The following JAZF1 variants were observed in gnomAD, a reference collection of about 807,000 sequenced individuals.
JAZF1 encodes the protein JAZF zinc finger 1, also known as juxtaposed with another zinc finger protein 1.
A neutral mutation model predicts 26.4 loss-of-function variants in JAZF1; 8 were observed. That is an observed-to-expected ratio of 0.30 (90% CI 0.18 to 0.55). The LOEUF (loss-of-function observed/expected upper bound fraction) is 0.55, where lower values mean the gene tolerates loss of function less well. Among genes scored for constraint, JAZF1 ranks in the 20% least tolerant of loss-of-function variants. The pLI, the probability that JAZF1 is intolerant of heterozygous loss-of-function variation, is 0.94. For missense variants in JAZF1, 199 were observed against 322.0 expected, an observed-to-expected ratio of 0.62 and a Z score of 2.92; for synonymous variants, 126 against 122.3, an observed-to-expected ratio of 1.03 and a Z score of -0.20.
intron 1 of JAZF1, among the ~76,000 whole-genome samples, chr7:28,150,137 G>A (rs1424878459): frequency 6.6e-6 from 1 of 152,218 alleles, no homozygotes; most frequent in African/African-American, 2.4e-5. Flanking sequence ...AGGAGGACAG[G>A]ATCATCTTGC....
chr7:27,833,039 C>T, intron 4 of JAZF1, 63 bp from the exon 5 acceptor site: 1 of 1,376,488 alleles, frequency 7.3e-7, no homozygotes, highest in Non-Finnish European at 9.7e-7. Flanking sequence ...ACTTCGGAAA[C>T]CTCAATTTGG....
chr7:28,101,576 T>TAAAA (rs56321937), intron 1 of JAZF1, among the ~76,000 whole-genome samples: 4 of 97,974 alleles, frequency 4.1e-5, no homozygotes, highest in Admixed American at 1.2e-4. Context: ...ATTTCTATAT[T>TAAAA]AAAAAAAAAA....
rs568733831 is a variant in JAZF1, at chr7:28,151,432, C to T, written c.115+29031G>A. Among the ~76,000 whole-genome samples, 153 of 151,844 alleles carry T rather than the reference C, an allele frequency of 1.0e-3. 1 individual carries two copies. The highest frequency in any genetic ancestry group is 3.5e-3 in the African/African-American group (144 of 41,434). ...GAGGGGGAATTTTAAAAATGCTTTTCTATGTCTTATAAATGTACTATAATT... is the reference window on the plus strand; with the variant it reads ...GAGGGGGAATTTTAAAAATGCTTTTTTATGTCTTATAAATGTACTATAATT... On this transcript the variant is annotated intron_variant, in intron 1 of 4. Coordinates refer to ENST00000283928, the MANE Select transcript of JAZF1 (RefSeq NM_175061.4).
intron 1 of JAZF1, among the ~76,000 whole-genome samples, chr7:28,011,520 T>C (rs1330624595): frequency 1.3e-5 from 2 of 152,174 alleles, no homozygotes; most frequent in Non-Finnish European, 2.9e-5. Flanking sequence ...GGAAGAAAGG[T>C]GTCATGATGA....
intron 1 of JAZF1, among the ~76,000 whole-genome samples, chr7:28,161,496 G>A (rs1783288817): frequency 6.6e-6 from 1 of 152,160 alleles, no homozygotes; most frequent in Non-Finnish European, 1.5e-5. Context: ...ACGTTACCAG[G>A]TGCCTCCTTG....
At chr7:28,047,277 T>C (rs1783512265) in intron 1 of JAZF1, among the ~76,000 whole-genome samples, 1 of 152,180 alleles carries the variant, frequency 6.6e-6, no homozygotes, top group Admixed American at 6.5e-5. Flanking sequence ...ATATTCCTTC[T>C]AATTATTTCT....
rs142078309 is a variant in JAZF1, at chr7:27,854,067, G to A, written c.386-13200C>T. Among the ~76,000 whole-genome samples the A allele has an allele frequency of 1.3e-4, 20 of 152,224 alleles. No individual in the cohort carries two copies. In the East Asian group the frequency reaches 2.5e-3, roughly 19 times the overall value. The stretch of plus-strand genomic sequence containing the variant: ...ATCTGCATGCTCCTGTTTTGGGTGC[G>A]TATATATTTAGGATAGTTAGCTCTT... On this transcript the variant is annotated intron_variant, in intron 3 of 4. Coordinates refer to ENST00000283928, the MANE Select transcript of JAZF1 (RefSeq NM_175061.4).
intron 1 of JAZF1, among the ~76,000 whole-genome samples, chr7:28,026,624 G>C (rs1783098399): frequency 6.6e-6 from 1 of 152,138 alleles, no homozygotes; most frequent in Non-Finnish European, 1.5e-5. Context: ...TCTAACCAAT[G>C]GTGCAGGTAT....
At chr7:28,129,462 T>C (rs561494664) in intron 1 of JAZF1, among the ~76,000 whole-genome samples, 15 of 152,166 alleles carry the variant, frequency 9.9e-5, no homozygotes, top group Admixed American at 2.0e-4. Context: ...CCCAAGAATC[T>C]GCCCAGGTGA....
intron 3 of JAZF1, among the ~76,000 whole-genome samples, chr7:27,887,641 C>G (rs1346016036): frequency 1.3e-5 from 2 of 152,242 alleles, no homozygotes; most frequent in East Asian, 1.9e-4. Flanking sequence ...GTCTCGAACT[C>G]CTGACCTCAG....
chr7:27,885,065 C>T (rs546742601), intron 3 of JAZF1, among the ~76,000 whole-genome samples: 16 of 152,272 alleles, frequency 1.1e-4, no homozygotes, highest in African/African-American at 3.6e-4. Flanking sequence ...AAAACTCCCC[C>T]GGTTCTAAAG....
chr7:28,104,179 G>A (rs1291114952), intron 1 of JAZF1, among the ~76,000 whole-genome samples: 2 of 151,958 alleles, frequency 1.3e-5, no homozygotes, highest in Non-Finnish European at 2.9e-5. Context: ...TCCCTGGGGC[G>A]ACTCCCCAGC....
chr7:28,112,399 C>T (rs1032283313), intron 1 of JAZF1, among the ~76,000 whole-genome samples: 3 of 152,066 alleles, frequency 2.0e-5, no homozygotes, highest in African/African-American at 4.8e-5. Context: ...TTTGAATATG[C>T]AATATTACAA....
chr7:28,159,818 G>A (rs755175556), intron 1 of JAZF1, among the ~76,000 whole-genome samples: 5 of 152,076 alleles, frequency 3.3e-5, no homozygotes, highest in Non-Finnish European at 7.4e-5. Flanking sequence ...GCATAAAAAC[G>A]GGGAGTCTAG....
chr7:27,876,818 TC>T (rs1783688130), intron 3 of JAZF1, among the ~76,000 whole-genome samples: 1 of 152,156 alleles, frequency 6.6e-6, no homozygotes, highest in Admixed American at 6.5e-5. Context: ...CGGGAGAGTT[TC>T]CATTACTCTC....
chr7:27,856,177 CAG>C (rs1194281007), intron 3 of JAZF1, among the ~76,000 whole-genome samples: 4 of 152,152 alleles, frequency 2.6e-5, no homozygotes, highest in Non-Finnish European at 5.9e-5. Flanking sequence ...TGGATGTGTT[CAG>C]AGTTTCTTCC....
rs538550927 is a variant in JAZF1, at chr7:28,118,862, G to A, written c.115+61601C>T. 4.6e-5 allele frequency among the ~76,000 whole-genome samples: 7 copies of A among 152,130 alleles called. No individual in the cohort carries two copies. The South Asian group carries it at 1.2e-3, about 27-fold the overall frequency. ...AGCAGAGGGATCTGTTCCTGCAGAG[G>A]ATGCTCATTCATTAGACACAAATTA... On this transcript the variant is annotated intron_variant, in intron 1 of 4. Transcript: ENST00000283928.
chr7:28,179,408 C>G (rs918713865), intron 1 of JAZF1, among the ~76,000 whole-genome samples: 1 of 152,190 alleles, frequency 6.6e-6, no homozygotes, highest in African/African-American at 2.4e-5. Flanking sequence ...AAGCAGCCAC[C>G]CTGCGGGGCG....
At chr7:27,953,002 T>C (rs1449970388) in intron 2 of JAZF1, among the ~76,000 whole-genome samples, 1 of 152,234 alleles carries the variant, frequency 6.6e-6, no homozygotes, top group Non-Finnish European at 1.5e-5. Flanking sequence ...CAGTTTCCTC[T>C]TGTTGCTCTA....
Sources: allele counts gnomAD v4.1 joint callset (sites outside exome capture counted in the v4.1 genomes callset), GRCh38; gene constraint gnomAD v4.1.1; transcripts MANE v1.5; gene names NCBI Gene and HGNC (gene_info 2026-07-23, HGNC 2026-07-21).